INSC: variants seen among roughly 807,000 people sequenced by gnomAD.
The protein encoded by INSC is protein inscuteable homolog.
In INSC, 67 loss-of-function variants were observed where a neutral mutation model predicts 58.6. The ratio of observed to expected loss-of-function variants is 1.14; its 90% confidence interval spans 0.94 to 1.40. INSC has a LOEUF of 1.40. Ranked by LOEUF, INSC falls within the 40% of genes most tolerant of loss-of-function variation. The pLI is 0.00. For missense variants in INSC, 714 were observed against 692.0 expected, an observed-to-expected ratio of 1.03 and a Z score of -0.36; for synonymous variants, 262 against 276.1, an observed-to-expected ratio of 0.95 and a Z score of 0.51.
the INSC span, among the ~76,000 whole-genome samples, chr11:15,260,971 C>T: frequency 1.3e-5 from 2 of 152,314 alleles, no homozygotes; most frequent in Admixed American, 1.3e-4. Context: ...AGGCCCTAAG[C>T]CAGGAATCTC....
chr11:15,176,489 A>G (rs1280861346), intron 3 of INSC, among the ~76,000 whole-genome samples: 1 of 152,208 alleles, frequency 6.6e-6, no homozygotes, highest in Non-Finnish European at 1.5e-5. Context: ...AATTTATTTT[A>G]TAAATTTGTT....
At chr11:15,209,276 C>T (rs1278415964) in intron 7 of INSC, among the ~76,000 whole-genome samples, 1 of 152,234 alleles carries the variant, frequency 6.6e-6, no homozygotes, top group Non-Finnish European at 1.5e-5. Flanking sequence ...AGCCCCATTT[C>T]ATCACAGGTG....
At chr11:15,158,864 T>TTTTC (rs1848912685) in intron 2 of INSC, among the ~76,000 whole-genome samples, 1 of 97,074 alleles carries the variant, frequency 1.0e-5, no homozygotes, top group African/African-American at 3.2e-5. Context: ...TTGGTGGTTT[T>TTTTC]TTTTTTTTTT....
rs141970035 is a variant in INSC at position 15,171,485 on chromosome 11, C to T, written c.57-4256C>T. On this transcript the variant is annotated intron_variant, in intron 2 of 12. Coordinates refer to ENST00000379556, the MANE Select transcript of INSC (RefSeq NM_001042536.3). ...TCTTCCAGAATGTACAACTCTAGAACAGGGGACTTACTTATTGTCCCTTTG... is the reference window on the plus strand; with the variant it reads ...TCTTCCAGAATGTACAACTCTAGAATAGGGGACTTACTTATTGTCCCTTTG... 3.1e-3 allele frequency among the ~76,000 whole-genome samples: 470 copies of T among 152,294 alleles called. 2 individuals carry two copies. Among genetic ancestry groups the T allele is most frequent in the African/African-American group, 0.011 (442 of 41,562 alleles).
At chr11:15,135,581 G>A (rs139651011) in intron 1 of INSC, among the ~76,000 whole-genome samples, 139 of 152,304 alleles carry the variant, frequency 9.1e-4, no homozygotes, top group African/African-American at 3.3e-3. Flanking sequence ...TTGTGGCCGA[G>A]CCAAGGTTTT....
At chr11:15,206,424 C>A (rs1312851862) in intron 7 of INSC, among the ~76,000 whole-genome samples, 3 of 152,198 alleles carry the variant, frequency 2.0e-5, no homozygotes, top group Non-Finnish European at 2.9e-5. Context: ...CCCAATGGGG[C>A]TCCAAGTCTC....
At chr11:15,112,787 G>C (rs1445748604), upstream of INSC, among the ~76,000 whole-genome samples, 1 of 152,118 alleles carries the variant, frequency 6.6e-6, no homozygotes, top group Non-Finnish European at 1.5e-5. Flanking sequence ...ACATCGATCT[G>C]TTTATGATCT....
chr11:15,165,020 T>C (rs1011708883), intron 2 of INSC, among the ~76,000 whole-genome samples: 1 of 152,202 alleles, frequency 6.6e-6, no homozygotes, highest in Non-Finnish European at 1.5e-5. Context: ...GATATGTCTG[T>C]ATCAGCAGCA....
At chr11:15,143,301 T>A (rs1360499693) in intron 1 of INSC, among the ~76,000 whole-genome samples, 1 of 152,180 alleles carries the variant, frequency 6.6e-6, no homozygotes, top group Non-Finnish European at 1.5e-5. Context: ...ACTGAATCCA[T>A]GGGTCAGGGA....
intron 7 of INSC, among the ~76,000 whole-genome samples, chr11:15,206,642 G>C (rs1945629): frequency 0.24 from 36,280 of 152,024 alleles, 5,290 homozygotes; most frequent in East Asian, 0.73. Context: ...TGGAGGACTG[G>C]AGCTGGCAAG....
intron 7 of INSC, among the ~76,000 whole-genome samples, chr11:15,210,696 G>A (rs1850991206): frequency 6.6e-6 from 1 of 152,082 alleles, no homozygotes; most frequent in South Asian, 2.1e-4. Context: ...GTGCTCACAG[G>A]GAAGCAAAGA....
At chr11:15,151,730 C>T (rs1158530889) in intron 2 of INSC, among the ~76,000 whole-genome samples, 1 of 152,160 alleles carries the variant, frequency 6.6e-6, no homozygotes, top group Non-Finnish European at 1.5e-5. Context: ...GCCTGGCCTT[C>T]ATATTCTGCC....
chr11:15,146,480 G>A (rs969368305), intron 1 of INSC, among the ~76,000 whole-genome samples: 10 of 152,206 alleles, frequency 6.6e-5, no homozygotes, highest in African/African-American at 1.9e-4. Flanking sequence ...GGGAACACAA[G>A]AGATCACATG....
chr11:15,127,373 G>T (rs1269360552), intron 1 of INSC, among the ~76,000 whole-genome samples: 1 of 152,232 alleles, frequency 6.6e-6, no homozygotes, highest in Non-Finnish European at 1.5e-5. Context: ...GTCTTTTGAT[G>T]CACCTCCATC....
chr11:15,187,441 C>T (rs879897115), intron 5 of INSC, among the ~76,000 whole-genome samples: 1 of 152,146 alleles, frequency 6.6e-6, no homozygotes, highest in Non-Finnish European at 1.5e-5. Context: ...GGCTACTCTA[C>T]TATGTCTGAC....
chr11:15,116,861 C>T lies in INSC; in HGVS notation c.-46+1858C>T, dbSNP rs1378097305. ...TCTTTCTTTCTTTCTCTCTCTCTCT[C>T]TCTCTCTCTCTCTCTCCCCCTCCCT... On this transcript the variant is annotated intron_variant, in intron 1 of 12. Coordinates refer to ENST00000379556, the MANE Select transcript of INSC (RefSeq NM_001042536.3). Among the ~76,000 whole-genome samples the T allele has an allele frequency of 6.9e-3, 402 of 58,614 alleles. 6 individuals carry two copies. Among genetic ancestry groups the T allele is most frequent in the African/African-American group, 0.022 (276 of 12,476 alleles). 38.5% of individuals were successfully genotyped at this position (58,614 alleles called of 152,430 possible).
chr11:15,214,454 C>A (rs1851140138), intron 7 of INSC, among the ~76,000 whole-genome samples: 1 of 152,168 alleles, frequency 6.6e-6, no homozygotes, highest in Non-Finnish European at 1.5e-5. Flanking sequence ...ACAAAAACAA[C>A]CTCCCTAAAA....
chr11:15,209,082 TTGGAG>T (rs1352408184), intron 7 of INSC, among the ~76,000 whole-genome samples: 1 of 152,226 alleles, frequency 6.6e-6, no homozygotes, highest in African/African-American at 2.4e-5. Context: ...CTGTGTGTTC[TTGGAG>T]TGGAAATCTT....
chr11:15,225,056 G>A (rs1851580465), intron 8 of INSC, among the ~76,000 whole-genome samples: 1 of 152,152 alleles, frequency 6.6e-6, no homozygotes, highest in East Asian at 1.9e-4. Flanking sequence ...CACATGGACT[G>A]AGAGCTCCTT....
Sources: gnomAD v4.1 joint callset for allele counts (sites outside exome capture counted in the v4.1 genomes callset) on GRCh38, gnomAD v4.1.1 for gene constraint, MANE v1.5 for transcripts, NCBI Gene and HGNC (gene_info 2026-07-23, HGNC 2026-07-21) for gene names.